The following NCKAP5 variants were observed in gnomAD, a reference collection of about 807,000 sequenced individuals.
The protein encoded by NCKAP5 is nck-associated protein 5.
A neutral mutation model predicts 167.0 loss-of-function variants in NCKAP5; 92 were observed. That is an observed-to-expected ratio of 0.55 (90% CI 0.47 to 0.66). The LOEUF is 0.66. NCKAP5 is among the 30% of genes least tolerant of loss of function. The pLI is 0.00. For synonymous variants in NCKAP5, 891 were observed against 877.4 expected, an observed-to-expected ratio of 1.02 and a Z score of -0.27; for missense variants, 2,378 against 2,315.0, an observed-to-expected ratio of 1.03 and a Z score of -0.56.
chr2:133,522,733 A>G (rs1684575534), intron 2 of NCKAP5, among the ~76,000 whole-genome samples: 1 of 152,234 alleles, frequency 6.6e-6, no homozygotes, highest in South Asian at 2.1e-4. Context: ...TTAGCCAAGC[A>G]TATTCGGATA....
At chr2:133,039,530 C>T (rs1292755815) in intron 6 of NCKAP5, among the ~76,000 whole-genome samples, 1 of 152,112 alleles carries the variant, frequency 6.6e-6, no homozygotes, top group East Asian at 1.9e-4. Context: ...CAACTAAATG[C>T]CACTACAATT....
chr2:133,470,432 T>C (rs1246643741), intron 3 of NCKAP5, among the ~76,000 whole-genome samples: 21 of 152,326 alleles, frequency 1.4e-4, no homozygotes, highest in African/African-American at 2.4e-4. Context: ...GACAGGGACA[T>C]TTAAGTCTGC....
At chr2:133,655,436 C>T in the NCKAP5 span, among the ~76,000 whole-genome samples, 8,786 of 152,216 alleles carry the variant, frequency 0.058, 366 homozygotes, top group South Asian at 0.086. Flanking sequence ...AACAGAGCCT[C>T]GTACATACTT....
chr2:133,479,560 C>T (rs1680241579), intron 3 of NCKAP5, among the ~76,000 whole-genome samples: 1 of 152,076 alleles, frequency 6.6e-6, no homozygotes. Flanking sequence ...CCTAATATAC[C>T]CTGACTTGCA....
At chr2:133,096,489 AAAATAAATAAATAAAT>A (rs3051199) in intron 6 of NCKAP5, among the ~76,000 whole-genome samples, 97 of 146,902 alleles carry the variant, frequency 6.6e-4, no homozygotes, top group Middle Eastern at 3.5e-3. Context: ...CTCTGTCTCA[AAAATAAATAAATAAAT>A]AAATAAATAA....
At chr2:133,057,936 G>A (rs542427511) in intron 6 of NCKAP5, among the ~76,000 whole-genome samples, 38 of 152,278 alleles carry the variant, frequency 2.5e-4, no homozygotes, top group African/African-American at 7.9e-4. Flanking sequence ...AGAGACTAAC[G>A]CAATGTGACT....
At chr2:133,551,369 C>T (rs1180601017) in intron 2 of NCKAP5, among the ~76,000 whole-genome samples, 4 of 142,940 alleles carry the variant, frequency 2.8e-5, no homozygotes, top group East Asian at 2.1e-4. Context: ...GTAACCAAAA[C>T]AGCATGGTAC....
At chr2:132,826,758 AGATT>A (rs1029995501) in intron 11 of NCKAP5, among the ~76,000 whole-genome samples, 4 of 152,200 alleles carry the variant, frequency 2.6e-5, no homozygotes, top group African/African-American at 9.6e-5. Context: ...GTTTATAGAT[AGATT>A]AAGGAGAAAA....
chr2:133,550,336 C>T (rs1016189238), intron 2 of NCKAP5, among the ~76,000 whole-genome samples: 3 of 149,872 alleles, frequency 2.0e-5, no homozygotes, highest in African/African-American at 4.9e-5. Context: ...AACATTGATG[C>T]AAAAATCCTC....
At chr2:132,875,667 A>C (rs1213255621) in intron 9 of NCKAP5, among the ~76,000 whole-genome samples, 1 of 152,230 alleles carries the variant, frequency 6.6e-6, no homozygotes. Context: ...CCAAGGCAAT[A>C]CTGTGAATAA....
At chr2:133,499,741 G>A (rs1027181152) in intron 3 of NCKAP5, among the ~76,000 whole-genome samples, 2 of 152,094 alleles carry the variant, frequency 1.3e-5, no homozygotes, top group Non-Finnish European at 1.5e-5. Flanking sequence ...TGTATTTTTA[G>A]TAGAGACGGG....
At chr2:132,701,612 A>T (rs1435250726) in intron 19 of NCKAP5, among the ~76,000 whole-genome samples, 1 of 152,224 alleles carries the variant, frequency 6.6e-6, no homozygotes, top group African/African-American at 2.4e-5. Flanking sequence ...TCCTATATCT[A>T]AAAGTGTTTG....
At chr2:133,403,096 T>C (rs1316249294) in intron 3 of NCKAP5, among the ~76,000 whole-genome samples, 1 of 152,208 alleles carries the variant, frequency 6.6e-6, no homozygotes, top group African/African-American at 2.4e-5. Flanking sequence ...AAAGAAATCA[T>C]GCCACAAAAA....
intron 2 of NCKAP5, among the ~76,000 whole-genome samples, chr2:133,548,885 C>T (rs1472015687): frequency 6.6e-6 from 1 of 151,762 alleles, no homozygotes; most frequent in Non-Finnish European, 1.5e-5. Context: ...ACAATATTAA[C>T]TTTAAATGTA....
intron 16 of NCKAP5, among the ~76,000 whole-genome samples, chr2:132,770,119 A>G (rs375636543): frequency 4.6e-5 from 7 of 152,070 alleles, no homozygotes; most frequent in African/African-American, 1.7e-4. Context: ...CTCCAACCCA[A>G]ATTTGCTCAA....
chr2:133,025,104 C>G (rs2078651939), intron 6 of NCKAP5, among the ~76,000 whole-genome samples: 1 of 152,174 alleles, frequency 6.6e-6, no homozygotes, highest in African/African-American at 2.4e-5. Flanking sequence ...AATGTGCTTC[C>G]TCTCTTCACT....
At position 133,062,539 on chromosome 2, in the gene NCKAP5, A is replaced by G. The variant is rs547148375; in HGVS notation, c.341+67439T>C. The stretch of plus-strand genomic sequence containing the variant: ...GAAATAAATACTTCTATATTCTTCA[A>G]TTGAGCTACTCAATAGTTGTGAGAA... On this transcript the variant is annotated intron_variant, in intron 6 of 19. Coordinates refer to ENST00000409261, the MANE Select transcript of NCKAP5 (RefSeq NM_207363.3). Among the ~76,000 whole-genome samples, 22 of 152,360 alleles carry G rather than the reference A, an allele frequency of 1.4e-4. 1 individual carries two copies. The highest frequency in any genetic ancestry group is 9.8e-4 in the Admixed American group (15 of 15,302).
chr2:133,546,686 A>T (rs1248996315), intron 2 of NCKAP5, among the ~76,000 whole-genome samples: 1 of 152,166 alleles, frequency 6.6e-6, no homozygotes, highest in East Asian at 1.9e-4. Flanking sequence ...AAACAAAAAA[A>T]CAAAACAACA....
At chr2:133,315,445 C>T (rs1681535365) in intron 3 of NCKAP5, among the ~76,000 whole-genome samples, 1 of 152,046 alleles carries the variant, frequency 6.6e-6, no homozygotes, top group Non-Finnish European at 1.5e-5. Context: ...AATTGTTCTC[C>T]TTTGGCAGTG....
Sources: gnomAD v4.1 joint callset for allele counts (sites outside exome capture counted in the v4.1 genomes callset) on GRCh38, gnomAD v4.1.1 for gene constraint, MANE v1.5 for transcripts, NCBI Gene and HGNC (gene_info 2026-07-23, HGNC 2026-07-21) for gene names.